The following CDC14A variants were observed in gnomAD, a reference collection of about 807,000 sequenced individuals.
CDC14A encodes the protein dual specificity protein phosphatase CDC14A.
CDC14A carries 53 observed loss-of-function variants against 74.4 expected under a neutral mutation model. That is an observed-to-expected ratio of 0.71 (90% CI 0.57 to 0.89). The LOEUF is 0.89. CDC14A is among the 40% of genes least tolerant of loss of function. The pLI is 0.00. For synonymous variants in CDC14A, 247 were observed against 258.4 expected, an observed-to-expected ratio of 0.96 and a Z score of 0.43; for missense variants, 646 against 713.7, an observed-to-expected ratio of 0.91 and a Z score of 1.08.
intron 12 of CDC14A, among the ~76,000 whole-genome samples, chr1:100,495,598 A>G (rs2101423648): frequency 6.6e-6 from 1 of 152,344 alleles, no homozygotes; most frequent in East Asian, 1.9e-4. Context: ...ACAAATTAAT[A>G]TAATGGTAAG....
intron 4 of CDC14A, among the ~76,000 whole-genome samples, chr1:100,421,031 C>T (rs1662303984): frequency 6.6e-6 from 1 of 152,082 alleles, no homozygotes; most frequent in Non-Finnish European, 1.5e-5. Flanking sequence ...AATATGGTTT[C>T]TAGGACTTCT....
chr1:100,441,596 G>A (rs1424918435), intron 6 of CDC14A, among the ~76,000 whole-genome samples: 2 of 150,496 alleles, frequency 1.3e-5, no homozygotes, highest in Non-Finnish European at 2.9e-5. Flanking sequence ...CCTTCAGAGA[G>A]TTTGTATATT....
chr1:100,479,786 GATC>G (rs1239566401), intron 10 of CDC14A, among the ~76,000 whole-genome samples: 9 of 152,076 alleles, frequency 5.9e-5, no homozygotes, highest in African/African-American at 1.9e-4. Flanking sequence ...TGCATTATCT[GATC>G]CATTTGTTGA....
At chr1:100,490,164 T>A (rs895961915) in intron 11 of CDC14A, among the ~76,000 whole-genome samples, 1 of 152,332 alleles carries the variant, frequency 6.6e-6, no homozygotes, top group South Asian at 2.1e-4. Flanking sequence ...ACCTGGTACA[T>A]CTTATCGGAT....
At chr1:100,430,086 A>G (rs2101096666) in intron 5 of CDC14A, among the ~76,000 whole-genome samples, 1 of 152,282 alleles carries the variant, frequency 6.6e-6, no homozygotes, top group East Asian at 1.9e-4. Context: ...AATATCCAGC[A>G]GAACTCCTGT....
chr1:100,387,833 A>G (rs1439805004), intron 3 of CDC14A, among the ~76,000 whole-genome samples: 2 of 152,198 alleles, frequency 1.3e-5, no homozygotes, highest in African/African-American at 4.8e-5. Context: ...AAAAAACGAA[A>G]CCAAGTAAAC....
chr1:100,417,748 G>A (rs1661718354), intron 4 of CDC14A, among the ~76,000 whole-genome samples: 1 of 152,282 alleles, frequency 6.6e-6, no homozygotes, highest in South Asian at 2.1e-4. Flanking sequence ...CACTATAGTT[G>A]TAGTGATATA....
intron 2 of CDC14A, among the ~76,000 whole-genome samples, chr1:100,359,123 T>C (rs1334251959): frequency 3.9e-5 from 6 of 152,250 alleles, no homozygotes; most frequent in South Asian, 2.1e-4. Flanking sequence ...CAAATTTCAT[T>C]GTGGGAATAA....
chr1:100,353,078 CCTT>C, intron 1 of CDC14A, 75 bp downstream of exon 1: 2 of 1,509,094 alleles, frequency 1.3e-6, no homozygotes, highest in South Asian at 1.1e-5. Context: ...ACTGTCCCCA[CCTT>C]CTCCTGAGGC....
intron 2 of CDC14A, among the ~76,000 whole-genome samples, chr1:100,369,079 ATTTT>A (rs369735078): frequency 7.3e-6 from 1 of 137,694 alleles, no homozygotes; most frequent in Non-Finnish European, 1.6e-5. Context: ...GTTTTTTGAC[ATTTT>A]TTTTTTTTTT....
intron 2 of CDC14A, among the ~76,000 whole-genome samples, chr1:100,374,640 T>C (rs995020797): frequency 2.0e-5 from 3 of 152,202 alleles, no homozygotes; most frequent in Admixed American, 6.5e-5. Flanking sequence ...ATTACCAACC[T>C]GCCTAATAGG....
chr1:100,487,560 AAAAACAAAACAGAACAAAAC>A (rs1670152963), intron 11 of CDC14A, among the ~76,000 whole-genome samples: 1 of 45,622 alleles, frequency 2.2e-5, no homozygotes, highest in African/African-American at 3.8e-5. Context: ...ACTCGGTCTC[AAAAACAAAACAGAACAAAAC>A]AAAACAAAAC....
At chr1:100,483,219 G>T (rs1669675180) in intron 10 of CDC14A, among the ~76,000 whole-genome samples, 1 of 152,038 alleles carries the variant, frequency 6.6e-6, no homozygotes, top group African/African-American at 2.4e-5. Flanking sequence ...CAGTGTATAA[G>T]TGTTCCTTTC....
At chr1:100,392,905 C>G (rs78398539) in intron 4 of CDC14A, 1 of 611,230 alleles carries the variant, frequency 1.6e-6, no homozygotes, top group Non-Finnish European at 2.8e-6. Flanking sequence ...CAGCAGCCCA[C>G]ACATTCTATG....
chr1:100,445,838 CT>C (rs970818751), intron 7 of CDC14A, among the ~76,000 whole-genome samples: 3 of 151,904 alleles, frequency 2.0e-5, no homozygotes, highest in African/African-American at 7.3e-5. Flanking sequence ...CAAACAACTT[CT>C]TTTTTTTGAG....
intron 5 of CDC14A, among the ~76,000 whole-genome samples, chr1:100,425,004 C>A (rs1662788489): frequency 6.6e-6 from 1 of 152,036 alleles, no homozygotes; most frequent in African/African-American, 2.4e-5. Flanking sequence ...CCCGTCTCTA[C>A]TAAAAATACA....
At chr1:100,446,936 C>T (rs1244520280) in intron 7 of CDC14A, among the ~76,000 whole-genome samples, 1 of 152,092 alleles carries the variant, frequency 6.6e-6, no homozygotes, top group Non-Finnish European at 1.5e-5. Context: ...TGGACTCAAG[C>T]AATCCGCCCA....
chr1:100,386,305 G>T (rs974299034), intron 3 of CDC14A, among the ~76,000 whole-genome samples: 4 of 152,146 alleles, frequency 2.6e-5, no homozygotes, highest in Non-Finnish European at 5.9e-5. Flanking sequence ...TAGTCCAGAG[G>T]TCTCAGTATT....
chr1:100,406,790 G>A (rs1299550641), intron 4 of CDC14A, among the ~76,000 whole-genome samples: 1 of 152,066 alleles, frequency 6.6e-6, no homozygotes, highest in African/African-American at 2.4e-5. Context: ...GCCAGGCTTG[G>A]TGGTGGGTGC....
Sources: allele counts gnomAD v4.1 joint callset (sites outside exome capture counted in the v4.1 genomes callset), GRCh38; gene constraint gnomAD v4.1.1; transcripts MANE v1.5; gene names NCBI Gene and HGNC (gene_info 2026-07-23, HGNC 2026-07-21).